The following LPP variants were observed in gnomAD, a reference collection of about 807,000 sequenced individuals.
LPP encodes lipoma-preferred partner.
A neutral mutation model predicts 60.4 loss-of-function variants in LPP; 38 were observed. That is an observed-to-expected ratio of 0.63 (90% CI 0.49 to 0.83). The LOEUF (loss-of-function observed/expected upper bound fraction) is 0.83, where lower values mean the gene tolerates loss of function less well. Among genes scored for constraint, LPP ranks in the 40% least tolerant of loss-of-function variants. The probability of loss-of-function intolerance (pLI) is 0.00; values close to 1 mark genes in which losing one functional copy is unlikely to be tolerated. For synonymous variants in LPP, 328 were observed against 290.8 expected (o/e 1.13, Z -1.30); for missense variants, 902 against 783.6 (o/e 1.15, Z -1.80).
At chr3:188,201,762 A>G (rs1411564381) in intron 1 of LPP, among the ~76,000 whole-genome samples, 1 of 152,090 alleles carries the variant, frequency 6.6e-6, no homozygotes, top group African/African-American at 2.4e-5. Flanking sequence ...ACGACTGGAG[A>G]TCAGGCTGCC....
chr3:188,523,211 A>G (rs983372012), intron 5 of LPP, among the ~76,000 whole-genome samples: 10 of 152,038 alleles, frequency 6.6e-5, no homozygotes, highest in African/African-American at 2.2e-4. Context: ...CCGTCCTGAA[A>G]TCCATGTTTA....
chr3:188,809,642 C>T (rs556023944), intron 9 of LPP, among the ~76,000 whole-genome samples: 1 of 152,226 alleles, frequency 6.6e-6, no homozygotes, highest in East Asian at 1.9e-4. Context: ...CCTGTTCACT[C>T]TGATGATAGT....
chr3:188,405,749 TCTC>T (rs1278527359), intron 3 of LPP, among the ~76,000 whole-genome samples: 1 of 152,136 alleles, frequency 6.6e-6, no homozygotes, highest in Admixed American at 6.6e-5. Context: ...TACCATAAAA[TCTC>T]CTTCAAGTTA....
intron 2 of LPP, among the ~76,000 whole-genome samples, chr3:188,329,574 T>C (rs1027778551): frequency 4.6e-5 from 7 of 152,218 alleles, no homozygotes; most frequent in African/African-American, 1.7e-4. Context: ...CATTTTGAAT[T>C]TCAGATTTTG....
intron 6 of LPP, among the ~76,000 whole-genome samples, chr3:188,603,301 A>G (rs1841788859): frequency 6.7e-6 from 1 of 149,846 alleles, no homozygotes; most frequent in Non-Finnish European, 1.5e-5. Flanking sequence ...TTGATCACTT[A>G]TCTCTTAAAA....
At chr3:188,573,931 T>G (rs1356236974) in intron 6 of LPP, among the ~76,000 whole-genome samples, 1 of 152,132 alleles carries the variant, frequency 6.6e-6, no homozygotes, top group Non-Finnish European at 1.5e-5. Context: ...ATTCTTGTAA[T>G]GTAAGGGGGA....
chr3:188,355,694 C>A (rs939403004), intron 3 of LPP, among the ~76,000 whole-genome samples: 3 of 152,154 alleles, frequency 2.0e-5, no homozygotes, highest in Non-Finnish European at 4.4e-5. Context: ...GTGCTATTTA[C>A]AGTAATGAAT....
At chr3:188,166,691 T>C (rs984352176) in intron 1 of LPP, among the ~76,000 whole-genome samples, 2 of 152,260 alleles carry the variant, frequency 1.3e-5, no homozygotes, top group Non-Finnish European at 2.9e-5. Context: ...TGCCAGATTC[T>C]TCCTGTTCCC....
At chr3:188,314,851 CT>C (rs1228423369) in intron 2 of LPP, among the ~76,000 whole-genome samples, 1 of 152,010 alleles carries the variant, frequency 6.6e-6, no homozygotes, top group Non-Finnish European at 1.5e-5. Flanking sequence ...GGAAGCTTTT[CT>C]TTTTTCTTTA....
intron 9 of LPP, among the ~76,000 whole-genome samples, chr3:188,799,802 G>T (rs1199518985): frequency 6.6e-6 from 1 of 152,114 alleles, no homozygotes; most frequent in Non-Finnish European, 1.5e-5. Flanking sequence ...GCTATATAGT[G>T]CAATGTTCTT....
rs192053997 is a variant in LPP, at chr3:188,346,983, T to C, written c.-10+5264T>C. Reference sequence around the variant, plus strand: ...TCTACTTCATTCATTCACTCATGCATTCAAATTCAATTTTAATTCAGAATT... The same window carrying C: ...TCTACTTCATTCATTCACTCATGCACTCAAATTCAATTTTAATTCAGAATT... On this transcript the variant is annotated intron_variant, in intron 3 of 11. Coordinates refer to ENST00000617246, the MANE Select transcript of LPP (RefSeq NM_001375462.1). Among the ~76,000 whole-genome samples, 4 of 152,320 alleles carry C rather than the reference T, an allele frequency of 2.6e-5. No homozygotes were observed. The East Asian group carries it at 7.7e-4, about 29-fold the overall frequency.
intron 5 of LPP, among the ~76,000 whole-genome samples, chr3:188,522,302 G>A (rs557654128): frequency 1.1e-4 from 16 of 152,270 alleles, no homozygotes; most frequent in East Asian, 7.7e-4. Context: ...AATCTGGGCC[G>A]TCCAGCTTGA....
At chr3:188,345,503 T>TA (rs912407557) in intron 3 of LPP, among the ~76,000 whole-genome samples, 4 of 151,766 alleles carry the variant, frequency 2.6e-5, no homozygotes, top group Non-Finnish European at 4.4e-5. Context: ...TGGGGAACAT[T>TA]AAAAAAAAGA....
rs894110454 is a variant in LPP at position 188,875,223 on chromosome 3, G to A, written c.*744G>A. On this transcript the variant is annotated 3_prime_UTR_variant, in exon 12 of 12. Transcript: ENST00000617246. ...ATTACAGGTGGGATATGCTAGAAAAGGCATTTTGGGGTTATGTTTAAAAAA... is the reference window on the plus strand; with the variant it reads ...ATTACAGGTGGGATATGCTAGAAAAAGCATTTTGGGGTTATGTTTAAAAAA... 4.6e-6 allele frequency: 1 copy of A among 217,898 alleles called. No individual in the cohort carries two copies. Among genetic ancestry groups the A allele is most frequent in the Non-Finnish European group, 9.2e-6 (1 of 108,594 alleles). The allele number at this position is 217,898 out of a possible 1,614,324, so 13.5% of individuals were successfully genotyped here.
chr3:188,158,499 G>C (rs1249128250), intron 1 of LPP, among the ~76,000 whole-genome samples: 1 of 152,168 alleles, frequency 6.6e-6, no homozygotes, highest in African/African-American at 2.4e-5. Context: ...CAGTGAGATT[G>C]GTAGGTGGAT....
intron 1 of LPP, among the ~76,000 whole-genome samples, chr3:188,222,464 G>A (rs939820428): frequency 6.6e-6 from 1 of 152,110 alleles, no homozygotes; most frequent in African/African-American, 2.4e-5. Context: ...ACACCTTGTT[G>A]GGTAGATGAT....
intron 9 of LPP, among the ~76,000 whole-genome samples, chr3:188,809,150 A>G (rs1389908826): frequency 6.6e-6 from 1 of 152,146 alleles, no homozygotes; most frequent in Non-Finnish European, 1.5e-5. Context: ...ACATACAGGT[A>G]CATGTGTCTT....
intron 4 of LPP, among the ~76,000 whole-genome samples, chr3:188,481,597 G>T (rs1443310868): frequency 1.3e-5 from 2 of 152,182 alleles, no homozygotes; most frequent in Non-Finnish European, 2.9e-5. Context: ...ATTTGGAAGG[G>T]ACAGACAGTT....
In LPP at chr3:188,609,767, T is replaced by C. The variant is rs7645635; in HGVS notation, c.1036T>C (p.Tyr346His). The change falls in exon 7 of 12, where the codon TAT (tyrosine) becomes CAT (histidine). Residue 346 changes from tyrosine (Y) to histidine (H), a missense_variant. Physicochemically the swap from Tyr to His is moderately conservative, Grantham distance 83. Coordinates refer to ENST00000617246, the MANE Select transcript of LPP (RefSeq NM_001375462.1). The surrounding 1 kb of genome is among the most constrained non-coding windows in gnomAD (Gnocchi z 6.9). ...GAGNQNPPGM[Y>H]PVTGPKKTYI... Reference sequence around the variant, plus strand: ...AGGGAACCAGAACCCTCCTGGGATGTATCCAGTCACTGGTCCCAAGAAGAC... The same window carrying C: ...AGGGAACCAGAACCCTCCTGGGATGCATCCAGTCACTGGTCCCAAGAAGAC... 0.034 allele frequency: 54,710 copies of C among 1,613,912 alleles called. 14,298 individuals carry two copies. In the African/African-American group the frequency reaches 0.61, roughly 18 times the overall value.
Sources: allele counts gnomAD v4.1 joint callset (sites outside exome capture counted in the v4.1 genomes callset), GRCh38; gene constraint gnomAD v4.1.1; non-coding constraint Gnocchi (gnomAD v3.1); transcripts MANE v1.5; gene names NCBI Gene and HGNC (gene_info 2026-07-23, HGNC 2026-07-21).